The following TACC2 variants were observed in gnomAD, a reference collection of about 807,000 sequenced individuals.
TACC2 encodes the protein transforming acidic coiled-coil-containing protein 2.
A neutral mutation model predicts 227.3 loss-of-function variants in TACC2; 137 were observed. The ratio of observed to expected loss-of-function variants is 0.60; its 90% CI spans 0.52 to 0.69. The LOEUF is 0.69. Among genes scored for constraint, TACC2 ranks in the 30% least tolerant of loss-of-function variants. The pLI is 0.00. For missense variants in TACC2, 3,470 were observed against 3,694.4 expected (o/e 0.94, Z 1.57); for synonymous variants, 1,523 against 1,487.5 (o/e 1.02, Z -0.55).
rs2079793688 is a variant in TACC2 at position 122,083,706 on chromosome 10, T to C, written c.1206T>C (p.Pro402=). ...AAGGQPEGGL[P]VSPEPSLLTP... ...GCGGCCAGCCCGAAGGGGGTTTGCC[T>C]GTGAGCCCTGAACCTTCCCTGCTCA... The change falls in exon 4 of 23, where the codon CCT becomes CCC. Residue 402 remains proline (P), a synonymous_variant. Coordinates refer to ENST00000369005, the MANE Select transcript of TACC2 (RefSeq NM_206862.4). The C allele has an allele frequency of 6.2e-7, 1 of 1,613,514 alleles. No individual in the cohort carries two copies. Among genetic ancestry groups the C allele is most frequent in the African/African-American group, 1.3e-5 (1 of 74,940 alleles).
chr10:122,033,966 A>C (rs1024334706), intron 2 of TACC2, among the ~76,000 whole-genome samples: 19 of 152,120 alleles, frequency 1.2e-4, no homozygotes, highest in Admixed American at 1.3e-4. Flanking sequence ...AGCCTGACCA[A>C]CATGGTAAAA....
At chr10:122,031,990 G>A (rs1409229025) in intron 2 of TACC2, among the ~76,000 whole-genome samples, 2 of 152,184 alleles carry the variant, frequency 1.3e-5, no homozygotes, top group Non-Finnish European at 2.9e-5. Context: ...TTACAGGCAT[G>A]AGCCACCGTG....
chr10:122,185,442 C>G (rs918004016), intron 7 of TACC2, among the ~76,000 whole-genome samples: 1 of 151,970 alleles, frequency 6.6e-6, no homozygotes, highest in African/African-American at 2.4e-5. Context: ...GCGGTCCACC[C>G]GCCTCAGCCT....
intron 1 of TACC2, among the ~76,000 whole-genome samples, chr10:122,017,542 C>A (rs1167569826): frequency 6.6e-6 from 1 of 152,106 alleles, no homozygotes; most frequent in Non-Finnish European, 1.5e-5. Context: ...TGTGGCCAGG[C>A]ATAGTGGCTT....
At chr10:122,227,340 A>T (rs2095649172) in intron 13 of TACC2, among the ~76,000 whole-genome samples, 1 of 152,200 alleles carries the variant, frequency 6.6e-6, no homozygotes, top group Non-Finnish European at 1.5e-5. Context: ...GCAGGAGTAA[A>T]AGTGCTTGCA....
intron 22 of TACC2, among the ~76,000 whole-genome samples, chr10:122,253,312 G>C (rs937737689): frequency 6.6e-6 from 1 of 152,180 alleles, no homozygotes; most frequent in African/African-American, 2.4e-5. Context: ...TGAAAGCAAA[G>C]CCACACGTCC....
intron 7 of TACC2, 130 bp downstream of exon 7, chr10:122,143,836 A>T: frequency 9.7e-7 from 1 of 1,031,662 alleles, no homozygotes; most frequent in Non-Finnish European, 1.4e-6. Context: ...GCCCCGTGAG[A>T]CCATGTCTCT....
At chr10:122,115,463 G>T (rs1160650234) in intron 5 of TACC2, among the ~76,000 whole-genome samples, 1 of 152,218 alleles carries the variant, frequency 6.6e-6, no homozygotes, top group African/African-American at 2.4e-5. Flanking sequence ...ATTTTTGGTT[G>T]TCCCAGTGAC....
In TACC2 at chr10:122,195,165, C is replaced by G. The variant is rs532281287; in HGVS notation, c.5960C>G (p.Pro1987Arg). 3 of 1,610,324 alleles carry G rather than the reference C, an allele frequency of 1.9e-6. No homozygotes were observed. The highest frequency in any genetic ancestry group is 2.2e-5 in the South Asian group (2 of 90,574). ...PEPEVSTQPP[P>R]EEPGCGSETV... ...CCCGAGGTCAGCACACAGCCACCCC[C>G]GGAAGAACCAGGTAACCAAGGGCAG... The change falls in exon 8 of 23, where the codon CCG becomes CGG. Residue 1987 changes from proline (P) to arginine (R), a missense_variant. Physicochemically the swap from Pro to Arg is moderately radical, Grantham distance 103 (BLOSUM62 -2). Coordinates refer to ENST00000369005, the MANE Select transcript of TACC2 (RefSeq NM_206862.4).
At chr10:122,117,255 C>G (rs976706142) in intron 5 of TACC2, among the ~76,000 whole-genome samples, 1 of 144,670 alleles carries the variant, frequency 6.9e-6, no homozygotes, top group East Asian at 2.1e-4. Context: ...AGTGCAGTGG[C>G]GTGATCTCGG....
At chr10:122,148,576 TG>T (rs2091681525) in intron 7 of TACC2, among the ~76,000 whole-genome samples, 1 of 152,246 alleles carries the variant, frequency 6.6e-6, no homozygotes, top group Admixed American at 6.5e-5. Context: ...TCTTTGGGTT[TG>T]GAGGGGAGCA....
intron 22 of TACC2, 118 bp downstream of exon 22, chr10:122,249,782 A>G (rs2096215137): frequency 8.2e-7 from 1 of 1,225,436 alleles, no homozygotes; most frequent in Non-Finnish European, 1.1e-6. Flanking sequence ...AGACGAATTC[A>G]TGCTTCATGA....
At chr10:122,124,410 A>G (rs1366092765) in intron 5 of TACC2, among the ~76,000 whole-genome samples, 1 of 152,090 alleles carries the variant, frequency 6.6e-6, no homozygotes, top group Non-Finnish European at 1.5e-5. Context: ...CCCTCCAATT[A>G]GTCTCCACTG....
rs537668528 is a variant in TACC2, at chr10:122,128,338, GTATTTAA to G, written c.5574-4269_5574-4263del. 1.0e-3 allele frequency among the ~76,000 whole-genome samples: 158 copies of G among 152,336 alleles called. 2 individuals are homozygous for G. The East Asian group carries it at 0.019, about 18-fold the overall frequency. On this transcript the variant is annotated intron_variant, in intron 5 of 22. Coordinates refer to ENST00000369005, the MANE Select transcript of TACC2 (RefSeq NM_206862.4). The stretch of plus-strand genomic sequence containing the variant: ...AGGACGGCTGAGTGTCATTGAGCAA[GTATTTAA>G]TTATGTTCAAGATCCTCTGTCTCAA...
At chr10:122,131,883 G>A (rs954290829) in intron 5 of TACC2, among the ~76,000 whole-genome samples, 1 of 151,980 alleles carries the variant, frequency 6.6e-6, no homozygotes, top group Non-Finnish European at 1.5e-5. Context: ...TTAGCCAGGC[G>A]TGGTGGTGGG....
chr10:122,163,485 C>A, intron 7 of TACC2: 8 of 836,544 alleles, frequency 9.6e-6, no homozygotes, highest in Non-Finnish European at 1.2e-5. Context: ...CGCCTCCCCA[C>A]CCCCAGCCCC....
chr10:122,057,365 A>AG (rs900933534), intron 3 of TACC2, among the ~76,000 whole-genome samples: 1 of 152,160 alleles, frequency 6.6e-6, no homozygotes, highest in African/African-American at 2.4e-5. Flanking sequence ...AGGAATCCCA[A>AG]GGGAGAACCC....
chr10:122,097,244 G>A (rs183768188), intron 5 of TACC2, among the ~76,000 whole-genome samples: 53 of 152,260 alleles, frequency 3.5e-4, no homozygotes, highest in Admixed American at 2.5e-3. Context: ...TGGGAGGATC[G>A]CTTGAGCCCA....
At position 122,157,827 on chromosome 10, in the gene TACC2, G is replaced by C. The variant is rs1293305122; in HGVS notation, c.5834+14121G>C. 2.0e-5 allele frequency among the ~76,000 whole-genome samples: 3 copies of C among 149,248 alleles called. No individual in the cohort carries two copies. The East Asian group carries it at 5.8e-4, about 29-fold the overall frequency. The stretch of plus-strand genomic sequence containing the variant: ...TCAAAAGAGCTGAAATATCAAGCCA[G>C]CAATGGTGTGTTTAAAAAAAAAAGA... On this transcript the variant is annotated intron_variant, in intron 7 of 22. Transcript: ENST00000369005.
Sources: gnomAD v4.1 joint callset for allele counts (sites outside exome capture counted in the v4.1 genomes callset) on GRCh38, gnomAD v4.1.1 for gene constraint, MANE v1.5 for transcripts, NCBI Gene and HGNC (gene_info 2026-07-23, HGNC 2026-07-21) for gene names.